MRTFA: variants seen among roughly 807,000 people sequenced by gnomAD.
MRTFA encodes myocardin-related transcription factor A.
MRTFA carries 20 observed loss-of-function variants against 83.5 expected under a neutral mutation model. The ratio of observed to expected loss-of-function variants is 0.24; its 90% CI spans 0.17 to 0.35. The LOEUF (loss-of-function observed/expected upper bound fraction) is 0.35. Ranked by LOEUF, MRTFA falls within the 10% of genes least tolerant of loss-of-function variation. MRTFA has a pLI of 1.00. For synonymous variants in MRTFA, 659 were observed against 541.2 expected (o/e 1.22, Z -3.02); for missense variants, 1,200 against 1,224.7 (o/e 0.98, Z 0.30).
rs6001923 is a variant in MRTFA, at chr22:40,465,480, C to T, written c.242-2194G>A. ...CTACAATAATAGCTGACACTTATGACGCACGTACTCTGTGCCAGACACTGT... is the reference window on the plus strand; with the variant it reads ...CTACAATAATAGCTGACACTTATGATGCACGTACTCTGTGCCAGACACTGT... On this transcript the variant is annotated intron_variant, in intron 3 of 14. Transcript: ENST00000355630. Among the ~76,000 whole-genome samples, 1,250 of 152,292 alleles carry T rather than the reference C, an allele frequency of 8.2e-3. 25 individuals carry two copies. The highest frequency in any genetic ancestry group is 0.075 in the Middle Eastern group (22 of 294).
intron 3 of MRTFA, among the ~76,000 whole-genome samples, chr22:40,548,974 T>C (rs2055407704): frequency 6.6e-6 from 1 of 152,074 alleles, no homozygotes; most frequent in South Asian, 2.1e-4. Context: ...CTGTAAGACA[T>C]TAAAGAAAAC....
intron 3 of MRTFA, among the ~76,000 whole-genome samples, chr22:40,477,175 CAAAAAAAAAAAAAA>C (rs55932110): frequency 8.4e-5 from 5 of 59,612 alleles, no homozygotes; most frequent in African/African-American, 2.5e-4. Flanking sequence ...ACTAAAAATA[CAAAAAAAAAAAAAA>C]AAAAAAAAAA....
At chr22:40,449,747 T>C (rs1009850738) in intron 4 of MRTFA, among the ~76,000 whole-genome samples, 1 of 152,214 alleles carries the variant, frequency 6.6e-6, no homozygotes, top group Non-Finnish European at 1.5e-5. Context: ...CTGTTGGCTG[T>C]GTGGGTAAAG....
intron 1 of MRTFA, among the ~76,000 whole-genome samples, chr22:40,602,796 A>C (rs1319468010): frequency 6.6e-6 from 1 of 152,102 alleles, no homozygotes; most frequent in African/African-American, 2.4e-5. Flanking sequence ...GCAGCGAGCC[A>C]AGATCACACT....
intron 1 of MRTFA, among the ~76,000 whole-genome samples, chr22:40,626,900 CT>C (rs2056589116): frequency 1.3e-5 from 2 of 150,634 alleles, no homozygotes; most frequent in African/African-American, 2.4e-5. Context: ...CACACACACA[CT>C]AACTAAAGCC....
chr22:40,589,472 A>C (rs2056086115), intron 2 of MRTFA, among the ~76,000 whole-genome samples: 1 of 152,210 alleles, frequency 6.6e-6, no homozygotes, highest in Non-Finnish European at 1.5e-5. Context: ...CCAGGGTTCA[A>C]ACCCAGATAA....
rs928497328 is a variant in MRTFA, at chr22:40,424,435, C to A, written c.602-54G>T. 3.2e-6 allele frequency: 5 copies of A among 1,583,062 alleles called. No individual in the cohort carries two copies. In the African/African-American group the frequency reaches 5.4e-5, roughly 17 times the overall value. On this transcript the variant is annotated intron_variant, in intron 7 of 14. Coordinates refer to ENST00000355630, the MANE Select transcript of MRTFA (RefSeq NM_020831.6). ...ACTTCCAGCCCAGGGAACAGATGAG[C>A]AGGGACAGGCCTGGCTCGCAGGCCA...
intron 3 of MRTFA, among the ~76,000 whole-genome samples, chr22:40,544,225 T>G (rs1244894144): frequency 1.3e-5 from 2 of 152,184 alleles, no homozygotes. Context: ...AATTTAGAAA[T>G]TCTTTTTGTG....
Position 40,617,620 on chromosome 22 carries a change from G to A in MRTFA, c.-84+18858C>T, listed in dbSNP as rs971355218. Among the ~76,000 whole-genome samples, 10 of 151,844 alleles carry A rather than the reference G, an allele frequency of 6.6e-5. No individual in the cohort carries two copies. The South Asian group carries it at 8.3e-4, about 13-fold the overall frequency. On this transcript the variant is annotated intron_variant, in intron 1 of 14. Coordinates refer to ENST00000355630, the MANE Select transcript of MRTFA (RefSeq NM_020831.6). Reference sequence around the variant, plus strand: ...CGGGCGCCTGTAGTCCCAGCTACTCGGGAGGCTGAGGCAGGAGAATGGCAT... The same window carrying A: ...CGGGCGCCTGTAGTCCCAGCTACTCAGGAGGCTGAGGCAGGAGAATGGCAT...
chr22:40,420,008 A>T (rs969084476), intron 11 of MRTFA, among the ~76,000 whole-genome samples: 1 of 152,140 alleles, frequency 6.6e-6, no homozygotes, highest in African/African-American at 2.4e-5. Context: ...GTCTACACTG[A>T]CCAGGTCTGC....
In MRTFA at chr22:40,441,829, T is replaced by TACAC. The variant is rs200777735; in HGVS notation, c.308-6276_308-6275insGTGT. On this transcript the variant is annotated intron_variant, in intron 4 of 14. Transcript: ENST00000355630. The stretch of plus-strand genomic sequence containing the variant: ...ACATGTATGTATGTGTATATATATA[T>TACAC]ATACACACACACACACACACACACA... 4.9e-3 allele frequency among the ~76,000 whole-genome samples: 603 copies of TACAC among 122,984 alleles called. 4 individuals carry two copies. The highest frequency in any genetic ancestry group is 0.015 in the African/African-American group (523 of 34,616). 80.7% of individuals were successfully genotyped at this position (122,984 alleles called of 152,430 possible). A position where few individuals can be genotyped will look rare whatever the true frequency, so the allele number is the denominator to read the frequency against.
chr22:40,595,337 G>A (rs2056176956), intron 1 of MRTFA, among the ~76,000 whole-genome samples: 1 of 151,562 alleles, frequency 6.6e-6, no homozygotes, highest in African/African-American at 2.4e-5. Context: ...TGGCCAGGAT[G>A]GTCTCGATCT....
chr22:40,487,790 G>A (rs2054197092), intron 3 of MRTFA, among the ~76,000 whole-genome samples: 1 of 152,174 alleles, frequency 6.6e-6, no homozygotes, highest in Non-Finnish European at 1.5e-5. Flanking sequence ...AGGACAGAGT[G>A]CTCAAAATGT....
At chr22:40,502,382 G>A (rs1263687214) in intron 3 of MRTFA, among the ~76,000 whole-genome samples, 149 of 116,808 alleles carry the variant, frequency 1.3e-3, no homozygotes, top group African/African-American at 4.7e-3. Context: ...CCTCCCAGAC[G>A]GGGTCTCGGC....
chr22:40,459,287 G>C (rs2053653704), intron 4 of MRTFA, among the ~76,000 whole-genome samples: 1 of 145,428 alleles, frequency 6.9e-6, no homozygotes, highest in Non-Finnish European at 1.5e-5. Context: ...GGGAACACCA[G>C]ACCCTATCCA....
At chr22:40,520,913 A>G (rs1428441912) in intron 3 of MRTFA, among the ~76,000 whole-genome samples, 2 of 152,222 alleles carry the variant, frequency 1.3e-5, no homozygotes, top group African/African-American at 4.8e-5. Flanking sequence ...TTTCTAGGAT[A>G]TATATCTAGA....
chr22:40,449,274 G>GAAAAAAAAAAA (rs35140973), intron 4 of MRTFA, among the ~76,000 whole-genome samples: 6 of 87,966 alleles, frequency 6.8e-5, no homozygotes, highest in Non-Finnish European at 8.9e-5. Flanking sequence ...CTCCAAACGA[G>GAAAAAAAAAAA]AAAAAAAAAA....
chr22:40,568,028 A>C (rs1000282613), intron 2 of MRTFA, among the ~76,000 whole-genome samples: 1 of 152,234 alleles, frequency 6.6e-6, no homozygotes, highest in Non-Finnish European at 1.5e-5. Context: ...TAATTTTGTA[A>C]GAGTATCCAA....
chr22:40,507,665 A>AG lies in MRTFA; in HGVS notation c.242-44380dup, dbSNP rs376256840. Reference sequence around the variant, plus strand: ...GATTAAGAACCACTGGGTTATTTCAAGGACTAAAGAAGTTGATTTAGGCCA... The same window carrying AG: ...GATTAAGAACCACTGGGTTATTTCAAGGGACTAAAGAAGTTGATTTAGGCCA... On this transcript the variant is annotated intron_variant, in intron 3 of 14. Transcript: ENST00000355630. Among the ~76,000 whole-genome samples, 711 of 152,132 alleles carry AG rather than the reference A, an allele frequency of 4.7e-3. 8 individuals are homozygous for AG. Among genetic ancestry groups the AG allele is most frequent in the African/African-American group, 0.016 (663 of 41,488 alleles).
Sources: gnomAD v4.1 joint callset for allele counts (sites outside exome capture counted in the v4.1 genomes callset) on GRCh38, gnomAD v4.1.1 for gene constraint, MANE v1.5 for transcripts, NCBI Gene and HGNC (gene_info 2026-07-23, HGNC 2026-07-21) for gene names.